FRMD4B: variants seen among roughly 807,000 people sequenced by gnomAD.
The protein encoded by FRMD4B is FERM domain-containing protein 4B.
In FRMD4B, 74 loss-of-function variants were observed where a neutral mutation model predicts 141.5. The observed-to-expected ratio is 0.52, with a 90% CI of 0.43 to 0.63. FRMD4B has a LOEUF of 0.63. Among genes scored for constraint, FRMD4B ranks in the 30% least tolerant of loss-of-function variants. FRMD4B has a pLI of 0.00. For synonymous variants in FRMD4B, 506 were observed against 467.9 expected, an observed-to-expected ratio of 1.08 and a Z score of -1.05; for missense variants, 1,366 against 1,253.4, an observed-to-expected ratio of 1.09 and a Z score of -1.36.
intron 1 of FRMD4B, among the ~76,000 whole-genome samples, chr3:69,366,167 G>T (rs111912928): frequency 3.4e-5 from 5 of 147,758 alleles, no homozygotes; most frequent in Non-Finnish European, 6.0e-5. Flanking sequence ...GGCTAAGGCA[G>T]GAGAATTGTT....
intron 2 of FRMD4B, among the ~76,000 whole-genome samples, chr3:69,416,765 T>C (rs1033385919): frequency 3.3e-5 from 5 of 152,180 alleles, no homozygotes; most frequent in Non-Finnish European, 7.4e-5. Flanking sequence ...GGTGTTCTCA[T>C]TGTTCAGCTC....
chr3:69,451,088 C>A (rs529336807), intron 1 of FRMD4B, among the ~76,000 whole-genome samples: 70 of 152,296 alleles, frequency 4.6e-4, no homozygotes, highest in Middle Eastern at 3.4e-3. Flanking sequence ...CCACTCCGAG[C>A]CTCTGCTTCT....
chr3:69,340,919 A>C (rs1702719176), intron 1 of FRMD4B, among the ~76,000 whole-genome samples: 2 of 152,226 alleles, frequency 1.3e-5, no homozygotes, highest in Non-Finnish European at 2.9e-5. Context: ...CTACGCAATA[A>C]AAAAATAATT....
At chr3:69,328,949 C>T (rs1473412544) in intron 1 of FRMD4B, among the ~76,000 whole-genome samples, 3 of 152,112 alleles carry the variant, frequency 2.0e-5, no homozygotes. Context: ...TATGGAGTGG[C>T]CATTCTTTTG....
rs116374296 is a variant in FRMD4B, at chr3:69,391,791, C to T, written c.-1+40843G>A. Among the ~76,000 whole-genome samples the T allele has an allele frequency of 9.7e-3, 1,477 of 152,328 alleles. 15 individuals carry two copies. Among genetic ancestry groups the T allele is most frequent in the Non-Finnish European group, 0.015 (1,006 of 68,032 alleles). On this transcript the variant is annotated intron_variant, in intron 2 of 5. Transcript: ENST00000459638. ...GAAGCAAGGCTGGCTGGGATGGCTC[C>T]TCCTTGTGCAGGAGTATCCCATGCA... is the stretch of plus-strand genomic sequence containing the variant.
chr3:69,276,137 T>C (rs1273088021), intron 5 of FRMD4B, among the ~76,000 whole-genome samples: 1 of 152,238 alleles, frequency 6.6e-6, no homozygotes, highest in African/African-American at 2.4e-5. Context: ...TATTCAAGTA[T>C]ATTTGGGCAG....
chr3:69,241,692 G>A (rs377287466), intron 7 of FRMD4B, among the ~76,000 whole-genome samples: 12 of 152,030 alleles, frequency 7.9e-5, no homozygotes, highest in African/African-American at 2.2e-4. Context: ...AGATTCAGGC[G>A]CTTGAGACCA....
chr3:69,226,786 G>C (rs2093258873), intron 7 of FRMD4B, among the ~76,000 whole-genome samples: 1 of 152,168 alleles, frequency 6.6e-6, no homozygotes. Context: ...TACAAATGCA[G>C]TCAGCCAAAA....
At chr3:69,519,780 T>A (rs2107124838) in intron 1 of FRMD4B, among the ~76,000 whole-genome samples, 1 of 151,998 alleles carries the variant, frequency 6.6e-6, no homozygotes, top group East Asian at 1.9e-4. Flanking sequence ...TAGTCTTTTA[T>A]CCCTCACCCC....
At chr3:69,317,716 C>G (rs1322704600) in intron 1 of FRMD4B, among the ~76,000 whole-genome samples, 2 of 127,376 alleles carry the variant, frequency 1.6e-5, no homozygotes, top group East Asian at 5.6e-4. Flanking sequence ...GATCGTGCCA[C>G]TGCACTCCAG....
upstream of FRMD4B, among the ~76,000 whole-genome samples, chr3:69,387,410 C>T (rs1704284521): frequency 6.6e-6 from 1 of 152,188 alleles, no homozygotes; most frequent in Non-Finnish European, 1.5e-5. Context: ...ACCCATTGTG[C>T]CCAGCCTCCA....
At chr3:69,510,407 T>A (rs1205080721) in intron 1 of FRMD4B, among the ~76,000 whole-genome samples, 1 of 152,196 alleles carries the variant, frequency 6.6e-6, no homozygotes, top group East Asian at 1.9e-4. Flanking sequence ...TTCTCCTTGA[T>A]AATGAATTGC....
chr3:69,349,705 G>C (rs147090498), intron 1 of FRMD4B, among the ~76,000 whole-genome samples: 20,226 of 151,994 alleles, frequency 0.13, 1,455 homozygotes, highest in South Asian at 0.18. Context: ...ACAAACCTGA[G>C]AAAAACAAGC....
At chr3:69,432,453 C>T (rs1559526216) in intron 2 of FRMD4B, among the ~76,000 whole-genome samples, 1 of 152,132 alleles carries the variant, frequency 6.6e-6, no homozygotes, top group Non-Finnish European at 1.5e-5. Flanking sequence ...TATTAATTTT[C>T]TTCATCATTT....
At chr3:69,362,700 ACCC>A (rs71115686) in intron 1 of FRMD4B, among the ~76,000 whole-genome samples, 54,418 of 142,768 alleles carry the variant, frequency 0.38, 11,974 homozygotes, top group African/African-American at 0.63. Context: ...CAAAAAGCCA[ACCC>A]CCCCCCCAAA....
At chr3:69,245,940 A>G (rs923715640) in intron 7 of FRMD4B, among the ~76,000 whole-genome samples, 1 of 146,098 alleles carries the variant, frequency 6.8e-6, no homozygotes, top group Non-Finnish European at 1.5e-5. Context: ...TGGGTTCAAG[A>G]GATTCTCCTT....
At chr3:69,261,657 G>A (rs2093528260) in intron 5 of FRMD4B, among the ~76,000 whole-genome samples, 1 of 152,084 alleles carries the variant, frequency 6.6e-6, no homozygotes, top group African/African-American at 2.4e-5. Flanking sequence ...TTTGAAAGCA[G>A]ACATTTTTAA....
chr3:69,510,511 A>C (rs751281600), intron 1 of FRMD4B, among the ~76,000 whole-genome samples: 1 of 152,234 alleles, frequency 6.6e-6, no homozygotes, highest in Non-Finnish European at 1.5e-5. Flanking sequence ...CTGAAATTAT[A>C]AATCAAGGAT....
intron 1 of FRMD4B, among the ~76,000 whole-genome samples, chr3:69,363,248 G>GTTGTTTTT (rs1553730494): frequency 3.0e-5 from 4 of 132,754 alleles, no homozygotes; most frequent in African/African-American, 1.2e-4. Flanking sequence ...TTTTTACCAT[G>GTTGTTTTT]TTTTTTTTTT....
Sources: allele counts gnomAD v4.1 joint callset (sites outside exome capture counted in the v4.1 genomes callset), GRCh38; gene constraint gnomAD v4.1.1; transcripts MANE v1.5; gene names NCBI Gene and HGNC (gene_info 2026-07-23, HGNC 2026-07-21).